The following GRID1 variants were observed in gnomAD, a reference collection of about 807,000 sequenced individuals.
The protein encoded by GRID1 is glutamate receptor ionotropic, delta-1.
In GRID1, 28 loss-of-function variants were observed where a neutral mutation model predicts 98.0. The observed-to-expected ratio is 0.29, with a 90% CI of 0.21 to 0.39. GRID1 has a LOEUF of 0.39. GRID1 is among the 10% of genes least tolerant of loss of function. The pLI is 1.00. For synonymous variants in GRID1, 553 were observed against 538.5 expected (o/e 1.03, Z -0.37); for missense variants, 1,111 against 1,340.5 (o/e 0.83, Z 2.67).
chr10:85,631,985 GCACACACACACACACA>G (rs10634848), intron 13 of GRID1, among the ~76,000 whole-genome samples: 18,063 of 147,802 alleles, frequency 0.12, 1,193 homozygotes, highest in Non-Finnish European at 0.15. Context: ...AAACACATAT[GCACACACACACACACA>G]CACACACACA....
chr10:86,133,011 C>T (rs1223319026), intron 4 of GRID1, among the ~76,000 whole-genome samples: 1 of 152,214 alleles, frequency 6.6e-6, no homozygotes, highest in East Asian at 1.9e-4. Flanking sequence ...CTCTGCTGTT[C>T]TTTCTCCTGT....
intron 8 of GRID1, 99 bp downstream of exon 8, chr10:85,854,397 C>G (rs1843088529): frequency 1.9e-6 from 2 of 1,044,772 alleles, no homozygotes; most frequent in Admixed American, 1.8e-5. Context: ...GATATCTGTG[C>G]TAGTTAACAG....
In GRID1 at chr10:85,997,790, A is replaced by C. The variant is rs184696690; in HGVS notation, c.727-81551T>G. 2.8e-3 allele frequency among the ~76,000 whole-genome samples: 432 copies of C among 152,350 alleles called. 2 individuals carry two copies. The highest frequency in any genetic ancestry group is 9.9e-3 in the African/African-American group (410 of 41,582). ...AAATTGATGGAATATGTTTTGAAAA[A>C]AACAAGCAAACCAATTACATGTTGC... On this transcript the variant is annotated intron_variant, in intron 4 of 15. Coordinates refer to ENST00000327946, the MANE Select transcript of GRID1 (RefSeq NM_017551.3).
At chr10:86,341,975 A>G (rs1033660930) in intron 2 of GRID1, among the ~76,000 whole-genome samples, 5 of 152,238 alleles carry the variant, frequency 3.3e-5, no homozygotes, top group South Asian at 4.2e-4. Context: ...TAGAAGTTCT[A>G]TCGTGAGATG....
intron 8 of GRID1, among the ~76,000 whole-genome samples, chr10:85,734,387 T>C (rs1348249607): frequency 6.6e-6 from 1 of 152,178 alleles, no homozygotes; most frequent in Non-Finnish European, 1.5e-5. Flanking sequence ...GAGAAGGCCA[T>C]GTAAATTAAA....
rs72126955 is a variant in GRID1, at chr10:86,166,114, C to CT, written c.521-27091dup. Among the ~76,000 whole-genome samples, 702 of 151,844 alleles carry CT rather than the reference C, an allele frequency of 4.6e-3. 10 individuals are homozygous for CT. The East Asian group carries it at 0.073, about 16-fold the overall frequency. On this transcript the variant is annotated intron_variant, in intron 3 of 15. Transcript: ENST00000327946. ...CGGTTCTTTATATCACTGTCACTAT[C>CT]TTTTTTTTTATTATTATACTTTAAG...
intron 4 of GRID1, among the ~76,000 whole-genome samples, chr10:86,129,160 TC>T: frequency 6.6e-6 from 1 of 152,218 alleles, no homozygotes; most frequent in South Asian, 2.1e-4. Flanking sequence ...AGCCAATCCA[TC>T]CCCTCAGGCT....
At chr10:86,357,494 T>C (rs1848548311) in intron 2 of GRID1, among the ~76,000 whole-genome samples, 1 of 152,242 alleles carries the variant, frequency 6.6e-6, no homozygotes, top group African/African-American at 2.4e-5. Flanking sequence ...AGGGAGCCTC[T>C]TGAACCCAAA....
rs190468079 is a variant in GRID1 at position 85,945,137 on chromosome 10, G to C, written c.727-28898C>G. ...CTTTGAAGCAGGTGCTCCGTTATGT[G>C]TATACTTAGGTATTTAAAAATTATG... On this transcript the variant is annotated intron_variant, in intron 4 of 15. Coordinates refer to ENST00000327946, the MANE Select transcript of GRID1 (RefSeq NM_017551.3). Among the ~76,000 whole-genome samples the C allele has an allele frequency of 2.9e-3, 447 of 152,154 alleles. 3 individuals carry two copies. Among genetic ancestry groups the C allele is most frequent in the Middle Eastern group, 0.024 (7 of 294 alleles).
chr10:85,710,393 C>T (rs555242814), intron 12 of GRID1, among the ~76,000 whole-genome samples: 7 of 152,150 alleles, frequency 4.6e-5, no homozygotes, highest in African/African-American at 9.6e-5. Flanking sequence ...TTCAACAAAT[C>T]GTAATGGGAA....
At chr10:85,905,625 C>A (rs914979226) in intron 5 of GRID1, among the ~76,000 whole-genome samples, 1 of 151,834 alleles carries the variant, frequency 6.6e-6, no homozygotes, top group South Asian at 2.1e-4. Flanking sequence ...GAGGGTAACA[C>A]GGAGGGATAC....
chr10:85,815,119 G>A (rs73330544), intron 8 of GRID1, among the ~76,000 whole-genome samples: 3,346 of 152,014 alleles, frequency 0.022, 114 homozygotes, highest in African/African-American at 0.076. Context: ...GCTGGAATTC[G>A]CCATATGATC....
intron 5 of GRID1, among the ~76,000 whole-genome samples, chr10:85,898,936 T>C (rs922813391): frequency 2.6e-5 from 4 of 152,248 alleles, no homozygotes; most frequent in African/African-American, 4.8e-5. Flanking sequence ...TAATTGTATG[T>C]ACTCTACTTT....
At position 85,982,758 on chromosome 10, in the gene GRID1, T is replaced by G. The variant is rs914139374; in HGVS notation, c.727-66519A>C. On this transcript the variant is annotated intron_variant, in intron 4 of 15. Coordinates refer to ENST00000327946, the MANE Select transcript of GRID1 (RefSeq NM_017551.3). ...ACTCATATCAGGACCTCAGCAAAAG[T>G]GACTTTCTTTCCCCATCCGCTATCA... Among the ~76,000 whole-genome samples the G allele has an allele frequency of 6.6e-5, 10 of 152,298 alleles. No homozygotes were observed. The South Asian group carries it at 1.7e-3, about 25-fold the overall frequency.
chr10:86,231,458 C>T (rs1042394215), intron 2 of GRID1, among the ~76,000 whole-genome samples: 2 of 152,162 alleles, frequency 1.3e-5, no homozygotes, highest in Non-Finnish European at 2.9e-5. Flanking sequence ...ATTCCAGACC[C>T]CCTAAGTGAA....
intron 2 of GRID1, among the ~76,000 whole-genome samples, chr10:86,309,641 T>C (rs1222747068): frequency 1.3e-5 from 2 of 152,172 alleles, no homozygotes; most frequent in African/African-American, 2.4e-5. Flanking sequence ...CAGCTTTTGT[T>C]CTCCCAGTGA....
At chr10:86,283,588 T>G (rs1289067715) in intron 2 of GRID1, among the ~76,000 whole-genome samples, 1 of 110,728 alleles carries the variant, frequency 9.0e-6, no homozygotes, top group Non-Finnish European at 2.0e-5. Flanking sequence ...CCCTTACACA[T>G]GCATACACAT....
intron 4 of GRID1, among the ~76,000 whole-genome samples, chr10:86,045,377 A>G (rs1266967684): frequency 2.0e-5 from 3 of 152,244 alleles, no homozygotes; most frequent in African/African-American, 7.2e-5. Flanking sequence ...GCAGTACTGT[A>G]GAGCAAAATG....
chr10:86,025,451 T>C (rs1843104134), intron 4 of GRID1, among the ~76,000 whole-genome samples: 1 of 152,168 alleles, frequency 6.6e-6, no homozygotes, highest in South Asian at 2.1e-4. Flanking sequence ...CTTATTAGAA[T>C]TGGCTTCCCC....
Sources: allele counts gnomAD v4.1 joint callset (sites outside exome capture counted in the v4.1 genomes callset), GRCh38; gene constraint gnomAD v4.1.1; transcripts MANE v1.5; gene names NCBI Gene and HGNC (gene_info 2026-07-23, HGNC 2026-07-21).